RGS7: variants seen among roughly 807,000 people sequenced by gnomAD.
RGS7 encodes regulator of G-protein signaling 7.
RGS7 carries 27 observed loss-of-function variants against 81.1 expected under a neutral mutation model. The ratio of observed to expected loss-of-function variants is 0.33; its 90% CI spans 0.25 to 0.46. RGS7 has a LOEUF of 0.46. Among genes scored for constraint, RGS7 ranks in the 20% least tolerant of loss-of-function variants. The probability of loss-of-function intolerance (pLI) is 1.00; values close to 1 mark genes in which losing one functional copy is unlikely to be tolerated. For missense variants in RGS7, 396 were observed against 607.4 expected (o/e 0.65, Z 3.66); for synonymous variants, 208 against 207.7 (o/e 1.00, Z -0.01).
intron 6 of RGS7, among the ~76,000 whole-genome samples, chr1:240,880,229 A>G (rs987553961): frequency 3.3e-5 from 5 of 152,150 alleles, no homozygotes; most frequent in Admixed American, 2.6e-4. Flanking sequence ...TTTTGTAGAG[A>G]TGGGGTCTCC....
At chr1:241,070,639 G>A (rs939912507) in intron 3 of RGS7, among the ~76,000 whole-genome samples, 1 of 152,200 alleles carries the variant, frequency 6.6e-6, no homozygotes, top group Non-Finnish European at 1.5e-5. Flanking sequence ...TACACTGCAG[G>A]CCCAGCTGCC....
chr1:241,064,009 C>T (rs563350097), intron 3 of RGS7, among the ~76,000 whole-genome samples: 17 of 151,636 alleles, frequency 1.1e-4, no homozygotes, highest in Non-Finnish European at 2.1e-4. Flanking sequence ...CATGGAGAAA[C>T]CCCCTCTCTA....
intron 4 of RGS7, among the ~76,000 whole-genome samples, chr1:240,942,509 A>G (rs1430260127): frequency 6.6e-6 from 1 of 152,212 alleles, no homozygotes; most frequent in Non-Finnish European, 1.5e-5. Flanking sequence ...TTTTATCACT[A>G]TCATGTTATT....
chr1:241,019,690 C>A lies in RGS7; in HGVS notation c.176-36561G>T, dbSNP rs190943196. Among the ~76,000 whole-genome samples the A allele has an allele frequency of 1.0e-3, 156 of 152,284 alleles. 2 individuals are homozygous for A. The highest frequency in any genetic ancestry group is 0.01 in the Middle Eastern group (3 of 294). ...GTCCCTGAAAAGGACATGAACTCAT[C>A]CTTGTTTTATGGCTGCATACTATTC... On this transcript the variant is annotated intron_variant, in intron 3 of 18. Coordinates refer to ENST00000440928, the MANE Select transcript of RGS7 (RefSeq NM_001364886.1).
intron 3 of RGS7, among the ~76,000 whole-genome samples, chr1:241,000,227 C>T (rs1558578438): frequency 1.3e-5 from 2 of 152,130 alleles, no homozygotes; most frequent in African/African-American, 2.4e-5. Context: ...AAGGAGGTCT[C>T]ATTCCTGACA....
intron 2 of RGS7, among the ~76,000 whole-genome samples, chr1:241,295,234 G>T (rs184925421): frequency 2.2e-3 from 337 of 152,130 alleles, no homozygotes; most frequent in African/African-American, 7.4e-3. Flanking sequence ...GGATCACAAG[G>T]TCAGGAGTTC....
chr1:241,099,327 T>C (rs547404450), intron 2 of RGS7, among the ~76,000 whole-genome samples: 1 of 140,346 alleles, frequency 7.1e-6, no homozygotes, highest in Non-Finnish European at 1.6e-5. Context: ...ACATACACAC[T>C]CTCATGCACA....
chr1:241,197,005 A>G (rs2073127795), intron 2 of RGS7, among the ~76,000 whole-genome samples: 1 of 151,430 alleles, frequency 6.6e-6, no homozygotes, highest in African/African-American at 2.4e-5. Flanking sequence ...AAAAAAAAAA[A>G]AAGAACAAAT....
intron 2 of RGS7, among the ~76,000 whole-genome samples, chr1:241,244,841 C>G (rs2076439515): frequency 6.6e-6 from 1 of 151,540 alleles, no homozygotes; most frequent in Non-Finnish European, 1.5e-5. Context: ...TTATTCTCAG[C>G]AAACTATCGC....
At chr1:241,066,064 T>C (rs1258656028) in intron 3 of RGS7, among the ~76,000 whole-genome samples, 1 of 152,236 alleles carries the variant, frequency 6.6e-6, no homozygotes, top group African/African-American at 2.4e-5. Flanking sequence ...AAGTGTAGCA[T>C]AAAGTATATC....
chr1:240,811,711 G>GATA (rs1689883732), intron 14 of RGS7, among the ~76,000 whole-genome samples: 1 of 152,190 alleles, frequency 6.6e-6, no homozygotes, highest in Non-Finnish European at 1.5e-5. Flanking sequence ...TACAGAGACG[G>GATA]CGTAAAAATA....
At position 241,301,321 on chromosome 1, in the gene RGS7, T is replaced by A. The variant is rs147501472; in HGVS notation, c.78+54378A>T. ...AGCATTTACACCCATGCACCTTAACTACATATATGTAAAAGCATCAAACGA... is the reference window on the plus strand; with the variant it reads ...AGCATTTACACCCATGCACCTTAACAACATATATGTAAAAGCATCAAACGA... On this transcript the variant is annotated intron_variant, in intron 2 of 18. Transcript: ENST00000440928. Among the ~76,000 whole-genome samples, 206 of 152,348 alleles carry A rather than the reference T, an allele frequency of 1.4e-3. 1 individual carries two copies. In the East Asian group the frequency reaches 0.029, roughly 21 times the overall value.
chr1:241,048,727 C>A (rs149236652), intron 3 of RGS7, among the ~76,000 whole-genome samples: 1 of 152,268 alleles, frequency 6.6e-6, no homozygotes, highest in Non-Finnish European at 1.5e-5. Flanking sequence ...TTTCCCTGGT[C>A]TTTTCATCCC....
At chr1:241,241,868 T>C (rs2148143214) in intron 2 of RGS7, among the ~76,000 whole-genome samples, 1 of 152,338 alleles carries the variant, frequency 6.6e-6, no homozygotes, top group South Asian at 2.1e-4. Flanking sequence ...AGTAATACTG[T>C]GTTCGCTTTT....
intron 3 of RGS7, among the ~76,000 whole-genome samples, chr1:241,012,203 A>G (rs1386332363): frequency 6.6e-6 from 1 of 152,184 alleles, no homozygotes; most frequent in Non-Finnish European, 1.5e-5. Flanking sequence ...TTGAAGAGTG[A>G]ATGCAAATAG....
intron 6 of RGS7, among the ~76,000 whole-genome samples, chr1:240,890,325 G>A (rs1323828631): frequency 6.6e-6 from 1 of 152,002 alleles, no homozygotes; most frequent in African/African-American, 2.4e-5. Context: ...GCTAATTTTT[G>A]TGTTTTTAGT....
At position 241,245,491 on chromosome 1, in the gene RGS7, A is replaced by AT. The variant is rs553008869; in HGVS notation, c.78+110207dup. 1.8e-4 allele frequency among the ~76,000 whole-genome samples: 26 copies of AT among 142,294 alleles called. No individual in the cohort carries two copies. In the South Asian group the frequency reaches 4.3e-3, roughly 24 times the overall value. 93.4% of individuals were successfully genotyped at this position (142,294 alleles called of 152,430 possible). ...TATGCCAATTAAACCTCTTTTCCTT[A>AT]TAAAAAAAAAAAAAAAGAAAACGTG... On this transcript the variant is annotated intron_variant, in intron 2 of 18. Coordinates refer to ENST00000440928, the MANE Select transcript of RGS7 (RefSeq NM_001364886.1).
intron 18 of RGS7, among the ~76,000 whole-genome samples, chr1:240,790,654 T>A (rs1044425414): frequency 1.5e-4 from 23 of 152,266 alleles, no homozygotes; most frequent in African/African-American, 5.5e-4. Flanking sequence ...TTCTAAGAGA[T>A]GGAATGGTCT....
At chr1:241,171,906 G>T (rs1016257857) in intron 2 of RGS7, among the ~76,000 whole-genome samples, 1 of 152,184 alleles carries the variant, frequency 6.6e-6, no homozygotes, top group Admixed American at 6.5e-5. Context: ...AGAAACAAAA[G>T]GACTGACTCT....
Sources: allele counts gnomAD v4.1 joint callset (sites outside exome capture counted in the v4.1 genomes callset), GRCh38; gene constraint gnomAD v4.1.1; transcripts MANE v1.5; gene names NCBI Gene and HGNC (gene_info 2026-07-23, HGNC 2026-07-21).